Variants in FANCA observed in about 807,000 individuals in gnomAD.
FANCA encodes FA complementation group A, also known as Fanconi anemia group A protein.
In FANCA, 236 loss-of-function variants were observed where a neutral mutation model predicts 194.3. The ratio of observed to expected loss-of-function variants is 1.21; its 90% CI spans 1.09 to 1.35. The LOEUF (loss-of-function observed/expected upper bound fraction) is 1.35, where lower values mean the gene tolerates loss of function less well. Ranked by LOEUF, FANCA falls within the 40% of genes most tolerant of loss-of-function variation. The pLI is 0.00. For missense variants in FANCA, 2,628 were observed against 1,813.9 expected, an observed-to-expected ratio of 1.45 and a Z score of -8.15; for synonymous variants, 1,014 against 715.8, an observed-to-expected ratio of 1.42 and a Z score of -6.65.
At chr16:89,739,430 G>T (rs1055386152) in intron 40 of FANCA, 48 bp downstream of exon 40, 65 of 1,552,656 alleles carry the variant, frequency 4.2e-5, no homozygotes, top group Non-Finnish European at 5.5e-5. Context: ...TGAGATGGGG[G>T]TCTGGGAAAC....
At chr16:89,806,015 C>T (rs562859153) in intron 6 of FANCA, among the ~76,000 whole-genome samples, 12 of 152,234 alleles carry the variant, frequency 7.9e-5, no homozygotes, top group East Asian at 1.9e-4. Flanking sequence ...CAAGTTCAAG[C>T]GATTCTCCTG....
intron 39 of FANCA, 133 bp downstream of exon 39, chr16:89,739,861 C>T (rs777126589): frequency 1.3e-6 from 2 of 1,534,400 alleles, no homozygotes; most frequent in Non-Finnish European, 1.7e-6. Context: ...TGTGCTTAAT[C>T]TGTCCCAACT....
chr16:89,786,233 G>C (rs774786344), intron 14 of FANCA, among the ~76,000 whole-genome samples: 1 of 151,898 alleles, frequency 6.6e-6, no homozygotes, highest in Admixed American at 6.6e-5. Context: ...ACCCAGGCTG[G>C]AGCGCAGTGG....
intron 14 of FANCA, chr16:89,791,185 C>T (rs888978902): frequency 4.8e-6 from 3 of 620,090 alleles, no homozygotes; most frequent in East Asian, 5.6e-5. Flanking sequence ...AGAACCCAGG[C>T]TCCTCGGAAC....
intron 14 of FANCA, among the ~76,000 whole-genome samples, chr16:89,786,318 G>A (rs1387615311): frequency 6.6e-6 from 1 of 152,144 alleles, no homozygotes; most frequent in African/African-American, 2.4e-5. Flanking sequence ...TGAGTAGCTG[G>A]GATTACAGGT....
chr16:89,810,439 C>CT, intron 5 of FANCA: 2 of 416,562 alleles, frequency 4.8e-6, no homozygotes, highest in Non-Finnish European at 8.9e-6. Flanking sequence ...ATTCTCCATA[C>CT]TAATATACCC....
chr16:89,799,991 C>G (rs1002598972), intron 8 of FANCA, among the ~76,000 whole-genome samples: 1 of 152,116 alleles, frequency 6.6e-6, no homozygotes, highest in African/African-American at 2.4e-5. Flanking sequence ...CAGACTCCGT[C>G]TCGGAAAAAA....
intron 14 of FANCA, chr16:89,790,931 G>C (rs1430040124): frequency 4.9e-6 from 1 of 203,642 alleles, no homozygotes; most frequent in African/African-American, 2.4e-5. Flanking sequence ...CCAGGCTCAA[G>C]TAATCCTTGC....
intron 14 of FANCA, among the ~76,000 whole-genome samples, chr16:89,787,397 C>A (rs1202892404): frequency 6.6e-6 from 1 of 152,140 alleles, no homozygotes; most frequent in Non-Finnish European, 1.5e-5. Context: ...GTGGCAGGCG[C>A]CTGTAGTCCC....
chr16:89,752,622 T>C (rs1314817108), intron 30 of FANCA, among the ~76,000 whole-genome samples: 1 of 152,242 alleles, frequency 6.6e-6, no homozygotes, highest in African/African-American at 2.4e-5. Flanking sequence ...TATTCCAATA[T>C]TATGATAATC....
At chr16:89,802,655 G>A (rs1007900982) in intron 8 of FANCA, among the ~76,000 whole-genome samples, 5 of 150,582 alleles carry the variant, frequency 3.3e-5, no homozygotes, top group East Asian at 4.0e-4. Flanking sequence ...CGCCCGCCTC[G>A]TCCTCCCAAA....
At chr16:89,780,639 C>T (rs1478041435) in intron 17 of FANCA, among the ~76,000 whole-genome samples, 1 of 142,974 alleles carries the variant, frequency 7.0e-6, no homozygotes, top group Non-Finnish European at 1.5e-5. Flanking sequence ...AAAAAAAAAA[C>T]ATTCTGAGGC....
At chr16:89,740,970 G>A (rs2062119056) in intron 37 of FANCA, 104 bp from the exon 38 acceptor site, 2 of 1,041,596 alleles carry the variant, frequency 1.9e-6, no homozygotes, top group Admixed American at 4.0e-5. Context: ...TTACATCTAG[G>A]CCATAAATCC....
intron 14 of FANCA, among the ~76,000 whole-genome samples, chr16:89,788,365 A>G (rs1329669456): frequency 6.6e-6 from 1 of 152,090 alleles, no homozygotes; most frequent in East Asian, 1.9e-4. Flanking sequence ...GGAGGCTGAA[A>G]CAGGAGAATC....
At chr16:89,799,703 A>T in intron 8 of FANCA, 65 bp from the exon 9 acceptor site, 1 of 1,316,858 alleles carries the variant, frequency 7.6e-7, no homozygotes, top group East Asian at 2.3e-5. Context: ...TACCTGCATC[A>T]CACAAGAGAA....
chr16:89,755,299 C>A (rs1035386293), intron 30 of FANCA, among the ~76,000 whole-genome samples: 4 of 151,902 alleles, frequency 2.6e-5, no homozygotes, highest in African/African-American at 9.7e-5. Context: ...CAACCTCCGC[C>A]TCCCAGGTTC....
chr16:89,814,291 G>A (rs960878594), intron 3 of FANCA, among the ~76,000 whole-genome samples: 1 of 152,086 alleles, frequency 6.6e-6, no homozygotes, highest in South Asian at 2.1e-4. Flanking sequence ...GACACTCTGG[G>A]TCCTACTGCT....
intron 35 of FANCA, among the ~76,000 whole-genome samples, chr16:89,746,373 G>A (rs1567601040): frequency 1.3e-5 from 2 of 152,168 alleles, no homozygotes; most frequent in Non-Finnish European, 1.5e-5. Flanking sequence ...TGGTGACGGC[G>A]GTGGGGGCAG....
intron 29 of FANCA, among the ~76,000 whole-genome samples, chr16:89,759,334 A>T (rs1426813678): frequency 2.7e-5 from 4 of 146,936 alleles, no homozygotes; most frequent in Admixed American, 6.8e-5. Flanking sequence ...AAAAAAAAAA[A>T]AAAAAAAAAA....
Sources: gnomAD v4.1 joint callset for allele counts (sites outside exome capture counted in the v4.1 genomes callset) on GRCh38, gnomAD v4.1.1 for gene constraint, MANE v1.5 for transcripts, NCBI Gene and HGNC (gene_info 2026-07-23, HGNC 2026-07-21) for gene names.